CPA6: variants seen among roughly 807,000 people sequenced by gnomAD.
CPA6 encodes carboxypeptidase A6.
A neutral mutation model predicts 63.3 loss-of-function variants in CPA6; 58 were observed. The observed-to-expected ratio is 0.92, with a 90% confidence interval of 0.74 to 1.14. CPA6 has a LOEUF of 1.14. Among genes scored for constraint, CPA6 ranks in the 50% most tolerant of loss-of-function variants. The probability of loss-of-function intolerance (pLI) is 0.00; values close to 1 mark genes in which losing one functional copy is unlikely to be tolerated. For missense variants in CPA6, 565 were observed against 526.6 expected, an observed-to-expected ratio of 1.07 and a Z score of -0.71; for synonymous variants, 185 against 179.0, an observed-to-expected ratio of 1.03 and a Z score of -0.27.
chr8:67,596,987 T>C (rs543934377), intron 2 of CPA6, among the ~76,000 whole-genome samples: 1 of 152,336 alleles, frequency 6.6e-6, no homozygotes, highest in East Asian at 1.9e-4. Flanking sequence ...TACTGACTTA[T>C]CCTATTATTG....
intron 1 of CPA6, among the ~76,000 whole-genome samples, chr8:67,644,080 C>A (rs577224288): frequency 1.3e-5 from 2 of 151,792 alleles, no homozygotes; most frequent in African/African-American, 4.8e-5. Flanking sequence ...CCTTAAAGAC[C>A]GCATGGTTGC....
chr8:67,642,791 T>TCACACA (rs1491449674), intron 1 of CPA6, among the ~76,000 whole-genome samples: 22 of 89,432 alleles, frequency 2.5e-4, no homozygotes, highest in African/African-American at 1.0e-3. Flanking sequence ...TGGGCCTTTA[T>TCACACA]CTCACACACA....
In CPA6 at chr8:67,746,210, G is replaced by A. The variant is rs1187229067; in HGVS notation, c.-81C>T. The A allele has an allele frequency of 9.9e-6, 9 of 908,890 alleles. No individual in the cohort carries two copies. Among genetic ancestry groups the A allele is most frequent in the Middle Eastern group, 2.7e-4 (1 of 3,766 alleles). The allele number at this position is 908,890 out of a possible 1,614,324, so 56.3% of individuals were successfully genotyped here. Reference sequence around the variant, plus strand: ...TGGCTCACAGCACCCTCTACACACCGCACAGGTTCTCCGGGAAGGGGGTGG... The same window carrying A: ...TGGCTCACAGCACCCTCTACACACCACACAGGTTCTCCGGGAAGGGGGTGG... On this transcript the variant is annotated 5_prime_UTR_variant, in exon 1 of 11. Coordinates refer to ENST00000297770, the MANE Select transcript of CPA6 (RefSeq NM_020361.5).
chr8:67,484,909 T>C lies in CPA6; in HGVS notation c.637-120A>G, dbSNP rs1002914131. On this transcript the variant is annotated intron_variant, in intron 6 of 10. Coordinates refer to ENST00000297770, the MANE Select transcript of CPA6 (RefSeq NM_020361.5). The stretch of plus-strand genomic sequence containing the variant: ...TACGGTGGTTTAAAAAGTCATAAAC[T>C]AACATGAAGTTTAGTCTTCGACATT... 3 of 531,506 alleles carry C rather than the reference T, an allele frequency of 5.6e-6. No individual in the cohort carries two copies. The African/African-American group carries it at 5.9e-5, about 10-fold the overall frequency. 32.9% of individuals were successfully genotyped at this position (531,506 alleles called of 1,614,324 possible). A position where few individuals can be genotyped will look rare whatever the true frequency, so the allele number is the denominator to read the frequency against.
intron 1 of CPA6, chr8:67,735,677 C>CTTTTTTTTT (rs199533677): frequency 1.4e-5 from 2 of 145,190 alleles, no homozygotes; most frequent in Non-Finnish European, 3.0e-5. Flanking sequence ...TAGTGGCAGT[C>CTTTTTTTTT]TTTTTTTTTT....
intron 9 of CPA6, among the ~76,000 whole-genome samples, chr8:67,432,452 G>A (rs1810049011): frequency 6.6e-6 from 1 of 151,962 alleles, no homozygotes; most frequent in Non-Finnish European, 1.5e-5. Flanking sequence ...CGATTCCTGA[G>A]TTGTGTGATT....
At chr8:67,496,546 T>C (rs891370327) in intron 6 of CPA6, among the ~76,000 whole-genome samples, 4 of 139,922 alleles carry the variant, frequency 2.9e-5, no homozygotes, top group Admixed American at 2.8e-4. Context: ...TATATATATA[T>C]ATATATATAT....
At chr8:67,605,624 T>C (rs990004) in intron 2 of CPA6, among the ~76,000 whole-genome samples, 18,427 of 151,240 alleles carry the variant, frequency 0.12, 1,275 homozygotes, top group Middle Eastern at 0.19. Flanking sequence ...TGATCTGTGA[T>C]AGTCAGTGGA....
At chr8:67,714,571 G>A (rs1363354726) in intron 1 of CPA6, among the ~76,000 whole-genome samples, 5 of 152,188 alleles carry the variant, frequency 3.3e-5, no homozygotes, top group Admixed American at 6.5e-5. Flanking sequence ...GTGGTGGTGT[G>A]CACCTGTAGT....
intron 2 of CPA6, among the ~76,000 whole-genome samples, chr8:67,537,883 G>T: frequency 6.6e-6 from 1 of 152,164 alleles, no homozygotes; most frequent in East Asian, 1.9e-4. Flanking sequence ...CTAGTACGTT[G>T]TGTCTTTGTT....
At chr8:67,632,421 C>G (rs964690329) in intron 1 of CPA6, among the ~76,000 whole-genome samples, 1 of 152,150 alleles carries the variant, frequency 6.6e-6, no homozygotes, top group Non-Finnish European at 1.5e-5. Context: ...GATCCTCCCA[C>G]CTCAGCCTCC....
intron 2 of CPA6, among the ~76,000 whole-genome samples, chr8:67,580,196 T>A (rs1813732927): frequency 6.6e-6 from 1 of 152,286 alleles, no homozygotes; most frequent in African/African-American, 2.4e-5. Flanking sequence ...CTCCCCCTTC[T>A]CTAATGCAAG....
intron 1 of CPA6, among the ~76,000 whole-genome samples, chr8:67,630,021 C>T (rs943628896): frequency 2.0e-5 from 3 of 151,738 alleles, no homozygotes; most frequent in African/African-American, 7.3e-5. Context: ...AGGAGAATGG[C>T]GTGAACCTGG....
At chr8:67,680,199 A>C (rs1429016259) in intron 1 of CPA6, among the ~76,000 whole-genome samples, 1 of 152,204 alleles carries the variant, frequency 6.6e-6, no homozygotes, top group Non-Finnish European at 1.5e-5. Context: ...CAAGGCAATG[A>C]AGTAACTGTA....
intron 2 of CPA6, among the ~76,000 whole-genome samples, chr8:67,578,205 A>G (rs943396082): frequency 1.3e-5 from 2 of 152,198 alleles, no homozygotes; most frequent in African/African-American, 4.8e-5. Flanking sequence ...TCTGGGATTA[A>G]GCTGATGGCG....
At chr8:67,588,197 A>T (rs182480610) in intron 2 of CPA6, among the ~76,000 whole-genome samples, 18 of 152,308 alleles carry the variant, frequency 1.2e-4, no homozygotes, top group African/African-American at 4.1e-4. Context: ...GATCAGTATA[A>T]GGGATCAGGT....
At chr8:67,701,113 G>C (rs1478556280) in intron 1 of CPA6, among the ~76,000 whole-genome samples, 1 of 152,154 alleles carries the variant, frequency 6.6e-6, no homozygotes, top group Non-Finnish European at 1.5e-5. Context: ...AAAGAGCATG[G>C]AGTTTGAAGA....
intron 5 of CPA6, among the ~76,000 whole-genome samples, chr8:67,507,327 C>G (rs1005099140): frequency 6.6e-5 from 10 of 152,078 alleles, no homozygotes; most frequent in Admixed American, 5.2e-4. Context: ...CATCCCCTTT[C>G]TCTTTCCATC....
At chr8:67,730,950 T>C (rs1817694286) in intron 1 of CPA6, among the ~76,000 whole-genome samples, 1 of 152,240 alleles carries the variant, frequency 6.6e-6, no homozygotes, top group East Asian at 1.9e-4. Flanking sequence ...GTAGTCACCA[T>C]AAAAATTATC....
Sources: gnomAD v4.1 joint callset for allele counts (sites outside exome capture counted in the v4.1 genomes callset) on GRCh38, gnomAD v4.1.1 for gene constraint, MANE v1.5 for transcripts, NCBI Gene and HGNC (gene_info 2026-07-23, HGNC 2026-07-21) for gene names.